The following IL20RB variants were observed in gnomAD, a reference collection of about 807,000 sequenced individuals.
IL20RB encodes the protein interleukin-20 receptor subunit beta.
In IL20RB, 21 loss-of-function variants were observed where a neutral mutation model predicts 33.3. The ratio of observed to expected loss-of-function variants is 0.63; its 90% CI spans 0.45 to 0.91. The LOEUF (loss-of-function observed/expected upper bound fraction) is 0.91, where lower values mean the gene tolerates loss of function less well. Among genes scored for constraint, IL20RB ranks in the 40% least tolerant of loss-of-function variants. The pLI, the probability that IL20RB is intolerant of heterozygous loss-of-function variation, is 0.00. For missense variants in IL20RB, 345 were observed against 384.8 expected, an observed-to-expected ratio of 0.90 and a Z score of 0.86; for synonymous variants, 147 against 146.8, an observed-to-expected ratio of 1.00 and a Z score of -0.01.
intron 1 of IL20RB, among the ~76,000 whole-genome samples, chr3:136,974,970 A>C (rs1212720521): frequency 2.0e-5 from 3 of 152,204 alleles, no homozygotes; most frequent in Admixed American, 1.3e-4. Flanking sequence ...CTTTTAAAAA[A>C]TATCTATCTC....
chr3:136,971,764 C>T (rs1253254370), intron 1 of IL20RB, among the ~76,000 whole-genome samples: 1 of 152,062 alleles, frequency 6.6e-6, no homozygotes, highest in Non-Finnish European at 1.5e-5. Flanking sequence ...GATTTCATAT[C>T]TTTGCTATTG....
chr3:136,991,902 A>G (rs758672819), intron 4 of IL20RB, 36 bp from the exon 5 acceptor site: 12 of 1,606,600 alleles, frequency 7.5e-6, no homozygotes, highest in African/African-American at 4.0e-5. Context: ...GAGCCACCGC[A>G]CTTGGCCAAT....
intron 6 of IL20RB, among the ~76,000 whole-genome samples, chr3:137,002,096 A>G (rs1390473552): frequency 6.6e-6 from 1 of 152,182 alleles, no homozygotes; most frequent in Non-Finnish European, 1.5e-5. Flanking sequence ...CCTGCAAAGG[A>G]CATGAACTTG....
rs113196860 is a variant in IL20RB at position 136,979,045 on chromosome 3, A to G, written c.89-1421A>G. Among the ~76,000 whole-genome samples the G allele has an allele frequency of 3.3e-5, 5 of 152,368 alleles. 1 individual carries two copies. Among genetic ancestry groups the G allele is most frequent in the African/African-American group, 1.2e-4 (5 of 41,588 alleles). On this transcript the variant is annotated intron_variant, in intron 1 of 6. Coordinates refer to ENST00000329582, the MANE Select transcript of IL20RB (RefSeq NM_144717.4). ...TTATATAGGTTTATATTCCCCAAAT[A>G]GCTGGCTAGAGAATTTTTTTAAAAC...
chr3:137,003,332 T>C (rs146491219), intron 6 of IL20RB, among the ~76,000 whole-genome samples: 8 of 152,332 alleles, frequency 5.3e-5, no homozygotes, highest in Non-Finnish European at 1.0e-4. Context: ...TTGATGGGGA[T>C]GGCATTGAAT....
intron 3 of IL20RB, among the ~76,000 whole-genome samples, chr3:136,986,520 G>T (rs1211386873): frequency 1.3e-5 from 2 of 152,194 alleles, no homozygotes; most frequent in Admixed American, 6.5e-5. Flanking sequence ...GGTAGTGCTA[G>T]TGGTGCTATG....
At chr3:137,007,776 G>A (rs191676753) in intron 6 of IL20RB, among the ~76,000 whole-genome samples, 6 of 152,130 alleles carry the variant, frequency 3.9e-5, no homozygotes, top group Non-Finnish European at 8.8e-5. Flanking sequence ...GCTTCAGCTC[G>A]CCCTCTGTGG....
At chr3:136,960,596 A>G (rs1028514204) in intron 1 of IL20RB, among the ~76,000 whole-genome samples, 4 of 151,420 alleles carry the variant, frequency 2.6e-5, no homozygotes, top group Admixed American at 6.6e-5. Context: ...TTCAGTTAGC[A>G]AAAATGTTAT....
intron 1 of IL20RB, among the ~76,000 whole-genome samples, chr3:136,963,671 C>T (rs1941290112): frequency 2.2e-5 from 3 of 135,056 alleles, no homozygotes; most frequent in East Asian, 2.4e-4. Flanking sequence ...GTTCTAGATA[C>T]TAGTTCTTTT....
chr3:136,979,199 G>C (rs999269990), intron 1 of IL20RB, among the ~76,000 whole-genome samples: 1 of 152,136 alleles, frequency 6.6e-6, no homozygotes, highest in Non-Finnish European at 1.5e-5. Flanking sequence ...TGCCTTGTGG[G>C]TGCTCCAGGT....
intron 5 of IL20RB, among the ~76,000 whole-genome samples, chr3:136,993,615 G>C (rs1309600305): frequency 6.6e-6 from 1 of 150,894 alleles, no homozygotes; most frequent in Non-Finnish European, 1.5e-5. Context: ...GTTCCCCGCT[G>C]TTTGTCCAAG....
rs1941793939 is a variant in IL20RB at position 136,982,269 on chromosome 3, T to C, written c.325T>C (p.Tyr109His). The C allele has an allele frequency of 6.2e-7, 1 of 1,612,020 alleles. No individual in the cohort carries two copies. Among genetic ancestry groups the C allele is most frequent in the Admixed American group, 1.7e-5 (1 of 59,968 alleles). Residue 109 changes from tyrosine to histidine, a missense_variant, in exon 3 of 7, where the codon TAC becomes CAC. Coordinates refer to ENST00000329582, the MANE Select transcript of IL20RB (RefSeq NM_144717.4). The part of the protein sequence containing the change: ...VTDDITATVP[Y>H]NLRVRATLGS... ...TGATGACATCACGGCCACTGTGCCA[T>C]ACAACCTTCGTGTCAGGGCCACATT...
intron 5 of IL20RB, 69 bp from the exon 6 acceptor site, chr3:136,995,345 G>C (rs927009233): frequency 1.3e-6 from 2 of 1,564,034 alleles, no homozygotes; most frequent in African/African-American, 2.7e-5. Flanking sequence ...GGAAACCGGG[G>C]GAGGCTCAGG....
At chr3:136,986,390 A>G (rs1199658074) in intron 3 of IL20RB, among the ~76,000 whole-genome samples, 1 of 152,192 alleles carries the variant, frequency 6.6e-6, no homozygotes, top group African/African-American at 2.4e-5. Flanking sequence ...CTGAAACTTC[A>G]GATTATTTTC....
At chr3:136,980,640 TC>T in intron 2 of IL20RB, 48 bp downstream of exon 2, 1 of 1,610,854 alleles carries the variant, frequency 6.2e-7, no homozygotes, top group East Asian at 2.2e-5. Context: ...AGAAGTTGGT[TC>T]CTGAAGGCAT....
Position 136,992,028 on chromosome 3 carries a change from T to G in IL20RB, c.622T>G (p.Phe208Val). The G allele has an allele frequency of 6.2e-7, 1 of 1,614,120 alleles. No individual in the cohort carries two copies. The change falls in exon 5 of 7, where the codon TTC (phenylalanine) becomes GTC (valine). Residue 208 changes from phenylalanine to valine, a missense_variant. Phe to Val is a conservative substitution (Grantham distance 50, BLOSUM62 -1). Transcript: ENST00000329582. Reference sequence around the variant, plus strand: ...TGCATACTGTGTGAAGGCCCAGACATTCGTGAAGGCCATTGGGAGGTACAG... The same window carrying G: ...TGCATACTGTGTGAAGGCCCAGACAGTCGTGAAGGCCATTGGGAGGTACAG... ...GAAYCVKAQTFVKAIGRYSAF... is the reference protein window; with the variant it reads ...GAAYCVKAQTVVKAIGRYSAF...
At chr3:136,993,650 T>C (rs1039262393) in intron 5 of IL20RB, among the ~76,000 whole-genome samples, 3 of 145,826 alleles carry the variant, frequency 2.1e-5, no homozygotes, top group Non-Finnish European at 4.5e-5. Context: ...AGTTCCCACC[T>C]ATGAGTGAGA....
intron 1 of IL20RB, among the ~76,000 whole-genome samples, chr3:136,976,334 A>G (rs1220475756): frequency 6.6e-6 from 1 of 152,130 alleles, no homozygotes; most frequent in Non-Finnish European, 1.5e-5. Flanking sequence ...TGCATGGGTG[A>G]GGAGTGGTAG....
intron 4 of IL20RB, 135 bp downstream of exon 4, chr3:136,989,700 A>G: frequency 1.1e-6 from 1 of 919,882 alleles, no homozygotes; most frequent in African/African-American, 1.7e-5. Context: ...TGTGCAAAAG[A>G]TGAGTATGCT....
Sources: allele counts gnomAD v4.1 joint callset (sites outside exome capture counted in the v4.1 genomes callset), GRCh38; gene constraint gnomAD v4.1.1; transcripts MANE v1.5; gene names NCBI Gene and HGNC (gene_info 2026-07-23, HGNC 2026-07-21).